HHLA2: variants seen among roughly 807,000 people sequenced by gnomAD.
The protein encoded by HHLA2 is HHLA2 member of B7 family, also known as HERV-H LTR-associating protein 2.
A neutral mutation model predicts 45.9 loss-of-function variants in HHLA2; 48 were observed. The ratio of observed to expected loss-of-function variants is 1.05; its 90% CI spans 0.83 to 1.33. The LOEUF is 1.33. Ranked by LOEUF, HHLA2 falls within the 40% of genes most tolerant of loss-of-function variation. The pLI is 0.00. For missense variants in HHLA2, 462 were observed against 494.3 expected (o/e 0.93, Z 0.62); for synonymous variants, 161 against 173.9 (o/e 0.93, Z 0.59).
At chr3:108,338,822 TA>T (rs1247551585) in intron 3 of HHLA2, among the ~76,000 whole-genome samples, 1 of 152,124 alleles carries the variant, frequency 6.6e-6, no homozygotes, top group East Asian at 1.9e-4. Context: ...CAGAATGAGA[TA>T]AAACAGGGAG....
chr3:108,309,750 T>C (rs1330861461), intron 1 of HHLA2, among the ~76,000 whole-genome samples: 1 of 152,132 alleles, frequency 6.6e-6, no homozygotes, highest in Non-Finnish European at 1.5e-5. Flanking sequence ...ATGGTTAAAG[T>C]AATGTCTGTC....
At chr3:108,313,469 G>C (rs1391264427) in intron 2 of HHLA2, among the ~76,000 whole-genome samples, 3 of 152,082 alleles carry the variant, frequency 2.0e-5, no homozygotes, top group Non-Finnish European at 4.4e-5. Flanking sequence ...TCCTCTCCAG[G>C]GCCCCCACGG....
intron 10 of HHLA2, 56 bp downstream of exon 9, chr3:108,376,613 A>G: frequency 6.8e-7 from 1 of 1,468,218 alleles, no homozygotes; most frequent in South Asian, 1.2e-5. Context: ...CTTCTTTAAA[A>G]GGGTAATTGA....
chr3:108,304,740 A>G (rs986328894), intron 1 of HHLA2, among the ~76,000 whole-genome samples: 1 of 152,144 alleles, frequency 6.6e-6, no homozygotes, highest in Non-Finnish European at 1.5e-5. Flanking sequence ...GCAGATCGCT[A>G]ATCTCTCTAG....
At chr3:108,358,534 C>T (rs1331311310) in intron 7 of HHLA2, among the ~76,000 whole-genome samples, 3 of 152,120 alleles carry the variant, frequency 2.0e-5, no homozygotes, top group Non-Finnish European at 2.9e-5. Flanking sequence ...AAGTTACAAT[C>T]GGGGTCCTGA....
chr3:108,346,099 C>T (rs982830256), intron 3 of HHLA2, among the ~76,000 whole-genome samples: 1 of 104,998 alleles, frequency 9.5e-6, no homozygotes, highest in African/African-American at 4.2e-5. Flanking sequence ...CCTGCAATTG[C>T]ACCTCCTCAC....
intron 7 of HHLA2, among the ~76,000 whole-genome samples, 170 bp downstream of exon 6, chr3:108,358,331 A>C (rs2081933847): frequency 6.6e-6 from 1 of 152,124 alleles, no homozygotes; most frequent in Non-Finnish European, 1.5e-5. Context: ...TCCTTCAACC[A>C]CACAAAAGTC....
chr3:108,336,703 G>A (rs931986250), intron 3 of HHLA2, among the ~76,000 whole-genome samples: 1 of 151,978 alleles, frequency 6.6e-6, no homozygotes, highest in Non-Finnish European at 1.5e-5. Flanking sequence ...TTTTCCTCAT[G>A]TGCTCAGTGG....
chr3:108,343,302 G>C (rs2081607383), intron 3 of HHLA2, among the ~76,000 whole-genome samples: 1 of 152,178 alleles, frequency 6.6e-6, no homozygotes, highest in South Asian at 2.1e-4. Context: ...TGGAAGAATT[G>C]ACTCTGAGCA....
exon 3 of HHLA2, chr3:108,328,273 G>A (rs1419986616): frequency 3.8e-5 from 56 of 1,476,980 alleles, no homozygotes; most frequent in Non-Finnish European, 4.9e-5. Context: ...CACACAGCAT[G>A]TAGGAGAATA....
At chr3:108,317,223 G>C (rs549598839) in intron 2 of HHLA2, among the ~76,000 whole-genome samples, 13 of 152,188 alleles carry the variant, frequency 8.5e-5, no homozygotes, top group Non-Finnish European at 1.8e-4. Flanking sequence ...CTTAATCCAA[G>C]GGTAGAGTTT....
chr3:108,299,212 C>T (rs2080811571), intron 1 of HHLA2, among the ~76,000 whole-genome samples: 1 of 151,874 alleles, frequency 6.6e-6, no homozygotes, highest in Non-Finnish European at 1.5e-5. Context: ...AATCTAATTA[C>T]ATTCATGCAA....
chr3:108,359,962 ATCT>A (rs1417112922), intron 7 of HHLA2, among the ~76,000 whole-genome samples: 2 of 152,186 alleles, frequency 1.3e-5, no homozygotes, highest in South Asian at 2.1e-4. Flanking sequence ...TCTATTGGGC[ATCT>A]TCTTCCAGCA....
At chr3:108,371,751 G>C (rs953421884) in intron 8 of HHLA2, among the ~76,000 whole-genome samples, 3 of 152,134 alleles carry the variant, frequency 2.0e-5, no homozygotes, top group Non-Finnish European at 4.4e-5. Flanking sequence ...AATGGTAAAG[G>C]GATCAACTCA....
intron 3 of HHLA2, among the ~76,000 whole-genome samples, chr3:108,330,875 T>C (rs2081373606): frequency 6.6e-6 from 1 of 152,158 alleles, no homozygotes; most frequent in South Asian, 2.1e-4. Flanking sequence ...GGGCATTTCG[T>C]TATTCAGCAT....
intron 2 of HHLA2, among the ~76,000 whole-genome samples, chr3:108,322,691 G>A (rs752863202): frequency 1.3e-5 from 2 of 152,110 alleles, no homozygotes; most frequent in Non-Finnish European, 2.9e-5. Flanking sequence ...ACTAGCCTGG[G>A]TGTTGTCCCA....
chr3:108,355,440 G>A (rs2107464757), intron 6 of HHLA2, 59 bp downstream of exon 5: 2 of 1,525,254 alleles, frequency 1.3e-6, no homozygotes, highest in East Asian at 2.3e-5. Context: ...GGGTAATGGG[G>A]ACTGATTTGC....
chr3:108,363,937 CG>C (rs952406332), intron 8 of HHLA2, among the ~76,000 whole-genome samples: 7 of 151,558 alleles, frequency 4.6e-5, no homozygotes, highest in Admixed American at 4.6e-4. Flanking sequence ...GAGAGAGTCA[CG>C]TAAGATTAGT....
At chr3:108,344,755 C>A (rs952557460) in intron 3 of HHLA2, among the ~76,000 whole-genome samples, 1 of 152,140 alleles carries the variant, frequency 6.6e-6, no homozygotes, top group African/African-American at 2.4e-5. Context: ...CTGCTGTCTG[C>A]CGTGTTAACC....
Sources: gnomAD v4.1 joint callset for allele counts (sites outside exome capture counted in the v4.1 genomes callset) on GRCh38, gnomAD v4.1.1 for gene constraint, MANE v1.5 for transcripts, NCBI Gene and HGNC (gene_info 2026-07-23, HGNC 2026-07-21) for gene names.